Variants in MAD1L1 observed in about 807,000 individuals in gnomAD.
MAD1L1 encodes mitotic spindle assembly checkpoint protein MAD1.
In MAD1L1, 95 loss-of-function variants were observed where a neutral mutation model predicts 96.9. That is an observed-to-expected ratio of 0.98 (90% CI 0.83 to 1.16). The LOEUF (loss-of-function observed/expected upper bound fraction) is 1.16, where lower values mean the gene tolerates loss of function less well. Among genes scored for constraint, MAD1L1 ranks in the 50% most tolerant of loss-of-function variants. The pLI is 0.00. For missense variants in MAD1L1, 1,007 were observed against 954.4 expected (o/e 1.06, Z -0.73); for synonymous variants, 473 against 396.6 (o/e 1.19, Z -2.29).
At chr7:2,194,987 C>G (rs1289181767) in intron 10 of MAD1L1, among the ~76,000 whole-genome samples, 1 of 151,934 alleles carries the variant, frequency 6.6e-6, no homozygotes, top group Admixed American at 6.6e-5. Flanking sequence ...ACTCGGGAGG[C>G]TGAGGCAGGA....
intron 11 of MAD1L1, among the ~76,000 whole-genome samples, chr7:2,090,482 T>C (rs1031717341): frequency 1.3e-5 from 2 of 152,220 alleles, no homozygotes; most frequent in Admixed American, 6.5e-5. Flanking sequence ...GTGCAAGCAC[T>C]GGAACGGTGT....
intron 11 of MAD1L1, among the ~76,000 whole-genome samples, chr7:2,095,948 C>T (rs1017108906): frequency 2.0e-5 from 3 of 152,216 alleles, no homozygotes; most frequent in Admixed American, 1.3e-4. Flanking sequence ...GGAAGGAGAG[C>T]GCGGGTCCGC....
rs1021865889 is a variant in MAD1L1 at position 1,936,951 on chromosome 7, G to A, written c.1597-54C>T. ...CATGGCCCAGGCACACACGCAGCAC[G>A]GGTCACACACAGCATGGGTCACCAT... On this transcript the variant is annotated intron_variant, in intron 16 of 18. Transcript: ENST00000265854. 558 of 1,420,472 alleles carry A rather than the reference G, an allele frequency of 3.9e-4. 1 individual carries two copies. The highest frequency in any genetic ancestry group is 1.0e-4 in the Non-Finnish European group (109 of 1,041,966). 88.0% of individuals were successfully genotyped at this position (1,420,472 alleles called of 1,614,324 possible). A position where few individuals can be genotyped will look rare whatever the true frequency, so the allele number is the denominator to read the frequency against.
chr7:2,036,355 G>A (rs1313241239), intron 12 of MAD1L1, among the ~76,000 whole-genome samples: 4 of 152,250 alleles, frequency 2.6e-5, no homozygotes, highest in Middle Eastern at 3.4e-3. Context: ...AGGCATGAGC[G>A]CAGGAGCGCT....
At chr7:1,895,472 G>C (rs116683316) in intron 18 of MAD1L1, among the ~76,000 whole-genome samples, 1 of 152,144 alleles carries the variant, frequency 6.6e-6, no homozygotes, top group Non-Finnish European at 1.5e-5. Context: ...TCTCAGCCCC[G>C]CCTGCAAACA....
At chr7:1,886,086 G>A (rs975649103) in intron 18 of MAD1L1, among the ~76,000 whole-genome samples, 2 of 152,238 alleles carry the variant, frequency 1.3e-5, no homozygotes, top group African/African-American at 4.8e-5. Flanking sequence ...GCAACCTGCA[G>A]AGACCCGTGG....
intron 16 of MAD1L1, among the ~76,000 whole-genome samples, chr7:1,955,068 C>G (rs1779666686): frequency 6.6e-6 from 1 of 152,232 alleles, no homozygotes; most frequent in South Asian, 2.1e-4. Context: ...AGGGCAGCGG[C>G]ACTCGCGCCC....
intron 8 of MAD1L1, 44 bp from the exon 9 acceptor site, chr7:2,216,043 G>C (rs749269118): frequency 5.0e-6 from 8 of 1,611,854 alleles, no homozygotes; most frequent in African/African-American, 4.0e-5. Flanking sequence ...ACACACCCTA[G>C]GGATAAGGCC....
chr7:1,847,205 G>A, intron 18 of MAD1L1: 1 of 466,526 alleles, frequency 2.1e-6, no homozygotes, highest in Non-Finnish European at 4.5e-6. Context: ...TTGTTTGAAG[G>A]CCACACATCT....
At position 1,937,360 on chromosome 7, in the gene MAD1L1, G is replaced by A. The variant is rs368117109; in HGVS notation, c.1597-463C>T. Among the ~76,000 whole-genome samples the A allele has an allele frequency of 4.1e-4, 63 of 152,340 alleles. 1 individual carries two copies. The South Asian group carries it at 0.012, about 30-fold the overall frequency. Reference sequence around the variant, plus strand: ...CAAGAGAAACAAGGTCAACCACACAGAGATGGAAGGCAAGGGAGCCTGGCA... The same window carrying A: ...CAAGAGAAACAAGGTCAACCACACAAAGATGGAAGGCAAGGGAGCCTGGCA... On this transcript the variant is annotated intron_variant, in intron 16 of 18. Coordinates refer to ENST00000265854, the MANE Select transcript of MAD1L1 (RefSeq NM_001013836.2).
chr7:1,827,059 G>A (rs1782430018), intron 18 of MAD1L1, among the ~76,000 whole-genome samples: 1 of 152,240 alleles, frequency 6.6e-6, no homozygotes, highest in Admixed American at 6.5e-5. Flanking sequence ...CAGCCGGAGG[G>A]GAGCCGAGGG....
intron 17 of MAD1L1, among the ~76,000 whole-genome samples, chr7:1,934,968 C>T (rs1056997480): frequency 4.0e-5 from 6 of 150,536 alleles, no homozygotes; most frequent in Non-Finnish European, 7.4e-5. Flanking sequence ...AACAAGGGAA[C>T]GAACAGATGG....
At position 1,957,613 on chromosome 7, in the gene MAD1L1, G is replaced by C. The variant is rs767098135; in HGVS notation, c.1596+16C>G. 34 of 1,612,668 alleles carry C rather than the reference G, an allele frequency of 2.1e-5. No individual in the cohort carries two copies. Among genetic ancestry groups the C allele is most frequent in the Non-Finnish European group, 2.7e-5 (32 of 1,179,538 alleles). ...GGCCCAGGCAGTGCCTCACCCAGAG[G>C]CTGCCCCGCCCTCACCTGCAGAGCT... is the stretch of plus-strand genomic sequence containing the variant. On this transcript the variant is annotated intron_variant, in intron 16 of 18. Transcript: ENST00000265854.
intron 1 of MAD1L1, 140 bp downstream of exon 1, chr7:2,232,732 G>A (rs959506173): frequency 6.6e-6 from 1 of 152,576 alleles, no homozygotes; most frequent in Admixed American, 6.5e-5. Context: ...GGCGGGCGCG[G>A]GGTCCTGAGG....
chr7:1,931,846 G>A (rs906098135), intron 17 of MAD1L1, among the ~76,000 whole-genome samples: 15 of 152,178 alleles, frequency 9.9e-5, no homozygotes, highest in African/African-American at 1.4e-4. Flanking sequence ...TGCTTCCCAC[G>A]CACTCAGCCT....
chr7:2,089,713 C>T (rs1180649423), intron 11 of MAD1L1, among the ~76,000 whole-genome samples: 1 of 151,478 alleles, frequency 6.6e-6, no homozygotes, highest in African/African-American at 2.4e-5. Context: ...ATCACACTTC[C>T]AACACCTGTC....
chr7:1,983,484 C>T (rs563338849), intron 14 of MAD1L1, among the ~76,000 whole-genome samples: 1 of 152,268 alleles, frequency 6.6e-6, no homozygotes, highest in South Asian at 2.1e-4. Flanking sequence ...TTCCCTAAAA[C>T]GTCATTCATT....
intron 11 of MAD1L1, among the ~76,000 whole-genome samples, chr7:2,082,983 C>T (rs931576862): frequency 2.0e-5 from 3 of 152,204 alleles, no homozygotes; most frequent in African/African-American, 7.2e-5. Context: ...CTGTCTCTCG[C>T]GCTGCAGGGA....
chr7:2,194,958 C>T (rs185426695), intron 10 of MAD1L1, among the ~76,000 whole-genome samples: 2 of 151,996 alleles, frequency 1.3e-5, no homozygotes, highest in African/African-American at 4.8e-5. Flanking sequence ...CGTGCTGATG[C>T]GCACCTGTAG....
Sources: allele counts gnomAD v4.1 joint callset (sites outside exome capture counted in the v4.1 genomes callset), GRCh38; gene constraint gnomAD v4.1.1; transcripts MANE v1.5; gene names NCBI Gene and HGNC (gene_info 2026-07-23, HGNC 2026-07-21).